Variants in TNIK observed in about 807,000 individuals in gnomAD.
TNIK encodes TRAF2 and NCK-interacting protein kinase.
TNIK carries 49 observed loss-of-function variants against 191.3 expected under a neutral mutation model. The ratio of observed to expected loss-of-function variants is 0.26; its 90% confidence interval spans 0.20 to 0.32. The LOEUF (loss-of-function observed/expected upper bound fraction) is 0.32. Ranked by LOEUF, TNIK falls within the 10% of genes least tolerant of loss-of-function variation. TNIK has a pLI of 1.00. For synonymous variants in TNIK, 594 were observed against 600.9 expected, an observed-to-expected ratio of 0.99 and a Z score of 0.17; for missense variants, 1,155 against 1,702.3, an observed-to-expected ratio of 0.68 and a Z score of 5.66.
chr3:171,196,862 C>T (rs1455517229), intron 4 of TNIK, among the ~76,000 whole-genome samples: 1 of 152,116 alleles, frequency 6.6e-6, no homozygotes, highest in Non-Finnish European at 1.5e-5. Context: ...TCACACCATT[C>T]TCCTGCCTCA....
Position 171,066,311 on chromosome 3 carries a change from T to C in TNIK, c.3875A>G (p.Asn1292Ser). The part of the protein sequence containing the change: ...MPTSVAYIHS[N>S]QIMGWGEKAI... ...TTTCTCGCCCCAGCCCATTATCTGA[T>C]TGGAATGAATGTAGGCTGTCAAAAG... Residue 1292 changes from asparagine to serine, a missense_variant, in exon 32 of 33, where the codon AAT (asparagine) becomes AGT (serine). Around this residue, in one of 3 missense-constraint regions of TNIK, gnomAD observed 195 missense variants for 415.4 expected, o/e 0.47. Transcript: ENST00000436636. The C allele has an allele frequency of 6.2e-7, 1 of 1,613,924 alleles. No homozygotes were observed. The highest frequency in any genetic ancestry group is 8.5e-7 in the Non-Finnish European group (1 of 1,179,880).
At chr3:171,400,203 T>C (rs1720742700) in intron 1 of TNIK, among the ~76,000 whole-genome samples, 1 of 152,164 alleles carries the variant, frequency 6.6e-6, no homozygotes, top group Non-Finnish European at 1.5e-5. Flanking sequence ...GTTTTCTGAA[T>C]TTGATTTGCA....
At chr3:171,343,579 C>A (rs753963001) in intron 2 of TNIK, among the ~76,000 whole-genome samples, 23 of 152,144 alleles carry the variant, frequency 1.5e-4, no homozygotes, top group Non-Finnish European at 3.1e-4. Flanking sequence ...TGAAACAGAA[C>A]CTTTGTTCAC....
At chr3:171,433,995 G>A (rs1188089675) in intron 1 of TNIK, among the ~76,000 whole-genome samples, 5 of 132,910 alleles carry the variant, frequency 3.8e-5, no homozygotes, top group Non-Finnish European at 7.7e-5. Context: ...ACCCAGGCTG[G>A]AGTGCAGAAG....
intron 26 of TNIK, 100 bp from the exon 27 acceptor site, chr3:171,082,494 T>G (rs1389193505): frequency 7.3e-7 from 1 of 1,379,248 alleles, no homozygotes; most frequent in East Asian, 2.3e-5. Context: ...CTTGTAAATA[T>G]ACACTAATGG....
Position 171,139,378 on chromosome 3 carries a change from G to GCGCA in TNIK, c.1419+91_1419+92insTGCG, listed in dbSNP as rs35492114. On this transcript the variant is annotated intron_variant, in intron 14 of 32. Transcript: ENST00000436636. ...ATGTTAGAAGGACACACGCACGCGC[G>GCGCA]CACACACACACACACACACACACAC... The GCGCA allele has an allele frequency of 1.3e-3, 867 of 692,782 alleles. 4 individuals carry two copies. Among genetic ancestry groups the GCGCA allele is most frequent in the African/African-American group, 9.0e-3 (478 of 53,188 alleles). The allele number at this position is 692,782 out of a possible 1,614,324, so 42.9% of individuals were successfully genotyped here. A position where few individuals can be genotyped will look rare whatever the true frequency, so the allele number is the denominator to read the frequency against.
chr3:171,334,203 A>G (rs960058946), intron 2 of TNIK, among the ~76,000 whole-genome samples: 2 of 152,202 alleles, frequency 1.3e-5, no homozygotes, highest in Non-Finnish European at 2.9e-5. Context: ...TGGAAGAATA[A>G]TGTGAGATTT....
At chr3:171,356,714 T>C (rs915415304) in intron 2 of TNIK, among the ~76,000 whole-genome samples, 4 of 152,230 alleles carry the variant, frequency 2.6e-5, no homozygotes, top group Non-Finnish European at 4.4e-5. Context: ...TCAGGAGTCA[T>C]GCTCTACTAC....
rs1413845321 is a variant in TNIK at position 171,190,422 on chromosome 3, G to A, written c.508+275C>T. ...GTAAGATATAGGAGGCCATTTCAAA[G>A]TTTGTCACTTCTAATCTCTGCTGAA... On this transcript the variant is annotated intron_variant, in intron 6 of 32. Coordinates refer to ENST00000436636, the MANE Select transcript of TNIK (RefSeq NM_015028.4). Among the ~76,000 whole-genome samples the A allele has an allele frequency of 2.0e-5, 3 of 152,046 alleles. No individual in the cohort carries two copies. The East Asian group carries it at 5.8e-4, about 29-fold the overall frequency.
chr3:171,375,652 G>T (rs1003757949), intron 1 of TNIK, among the ~76,000 whole-genome samples: 2 of 152,120 alleles, frequency 1.3e-5, no homozygotes, highest in Non-Finnish European at 2.9e-5. Flanking sequence ...ATTCCTCCAG[G>T]TCCTCTGAAT....
At chr3:171,405,826 AAGAC>A (rs1302739799) in intron 1 of TNIK, among the ~76,000 whole-genome samples, 1 of 152,226 alleles carries the variant, frequency 6.6e-6, no homozygotes, top group African/African-American at 2.4e-5. Flanking sequence ...ATAATTTAGT[AAGAC>A]ACCAAAAGGG....
chr3:171,319,002 A>G (rs575844857), intron 2 of TNIK, among the ~76,000 whole-genome samples: 1 of 152,140 alleles, frequency 6.6e-6, no homozygotes, highest in African/African-American at 2.4e-5. Flanking sequence ...CTGTCTACAT[A>G]AAACTTAAAA....
Position 171,190,737 on chromosome 3 carries a change from C to T in TNIK, c.468G>A (p.Gly156=). 1.9e-6 allele frequency: 3 copies of T among 1,597,148 alleles called. No homozygotes were observed. Among genetic ancestry groups the T allele is most frequent in the South Asian group, 2.3e-5 (2 of 87,788 alleles). Residue 156 remains glycine (G), a synonymous_variant, in exon 6 of 33, where the codon GGG becomes GGA. Transcript: ENST00000436636. ...QHKVIHRDIK[G]QNVLLTENAE... ...CATTTTCAGTCAGCAAGACATTTTGCCCTTTAATATCTCGATGAATCACTT... is the reference window on the plus strand; with the variant it reads ...CATTTTCAGTCAGCAAGACATTTTGTCCTTTAATATCTCGATGAATCACTT...
At chr3:171,280,524 C>G (rs2109250181) in intron 2 of TNIK, among the ~76,000 whole-genome samples, 1 of 152,170 alleles carries the variant, frequency 6.6e-6, no homozygotes, top group African/African-American at 2.4e-5. Flanking sequence ...CTGGCACATA[C>G]TATATTGTTG....
intron 2 of TNIK, among the ~76,000 whole-genome samples, chr3:171,320,706 T>C (rs1037296053): frequency 3.9e-5 from 6 of 152,254 alleles, no homozygotes. Context: ...AAAATACTAA[T>C]AATCCCATGT....
At chr3:171,229,731 G>A (rs1743377491) in intron 2 of TNIK, among the ~76,000 whole-genome samples, 1 of 151,838 alleles carries the variant, frequency 6.6e-6, no homozygotes, top group African/African-American at 2.4e-5. Flanking sequence ...GATTCTGATG[G>A]TGCTTCCTTC....
intron 2 of TNIK, among the ~76,000 whole-genome samples, chr3:171,329,483 ACT>A (rs1363761140): frequency 6.6e-6 from 1 of 152,162 alleles, no homozygotes; most frequent in Admixed American, 6.6e-5. Context: ...TTTACCTTAA[ACT>A]CTGTGAGCTT....
chr3:171,062,219 C>T lies in TNIK; in HGVS notation c.*1662G>A, dbSNP rs928648613. The T allele has an allele frequency of 5.9e-5, 9 of 152,062 alleles. No homozygotes were observed. The highest frequency in any genetic ancestry group is 1.9e-4 in the African/African-American group (8 of 41,394). The allele number at this position is 152,062 out of a possible 1,614,324, so 9.4% of individuals were successfully genotyped here. Reference sequence around the variant, plus strand: ...AGTAATTATTTTCTCCAGAAACAAGCCACATTAGTTTTTGTCATTGGATTC... The same window carrying T: ...AGTAATTATTTTCTCCAGAAACAAGTCACATTAGTTTTTGTCATTGGATTC... On this transcript the variant is annotated 3_prime_UTR_variant, in exon 33 of 33. Coordinates refer to ENST00000436636, the MANE Select transcript of TNIK (RefSeq NM_015028.4).
chr3:171,194,768 A>G (rs938788829), intron 4 of TNIK, 133 bp from the exon 5 acceptor site: 3 of 699,950 alleles, frequency 4.3e-6, no homozygotes, highest in Non-Finnish European at 7.3e-6. Context: ...ATAAAACAAT[A>G]TATAAAACAC....
Sources: allele counts gnomAD v4.1 joint callset (sites outside exome capture counted in the v4.1 genomes callset), GRCh38; gene constraint gnomAD v4.1.1; regional missense constraint gnomAD v4.1.1; transcripts MANE v1.5; gene names NCBI Gene and HGNC (gene_info 2026-07-23, HGNC 2026-07-21).